AFF3: variants seen among roughly 807,000 people sequenced by gnomAD.
AFF3 encodes AF4/FMR2 family member 3.
In AFF3, 32 loss-of-function variants were observed where a neutral mutation model predicts 129.7. The observed-to-expected ratio is 0.25, with a 90% CI of 0.19 to 0.33. The LOEUF (loss-of-function observed/expected upper bound fraction) is 0.33. Among genes scored for constraint, AFF3 ranks in the 10% least tolerant of loss-of-function variants. AFF3 has a pLI of 1.00. For synonymous variants in AFF3, 644 were observed against 635.4 expected (o/e 1.01, Z -0.20); for missense variants, 1,373 against 1,592.0 (o/e 0.86, Z 2.34).
intron 2 of AFF3, among the ~76,000 whole-genome samples, chr2:100,108,677 G>T (rs779916012): frequency 6.6e-6 from 1 of 152,106 alleles, no homozygotes; most frequent in Non-Finnish European, 1.5e-5. Flanking sequence ...CCAATACCCC[G>T]GTCGAGGGCT....
At chr2:99,984,012 TA>T (rs978225865) in intron 7 of AFF3, among the ~76,000 whole-genome samples, 2 of 152,100 alleles carry the variant, frequency 1.3e-5, no homozygotes, top group African/African-American at 4.8e-5. Context: ...AAAGCTCTTT[TA>T]AAAAAACAAA....
chr2:99,656,294 T>C (rs902311931), intron 12 of AFF3, among the ~76,000 whole-genome samples: 1 of 152,210 alleles, frequency 6.6e-6, no homozygotes, highest in East Asian at 1.9e-4. Flanking sequence ...TATCTTTGTG[T>C]TTTCATTATG....
intron 13 of AFF3, among the ~76,000 whole-genome samples, chr2:99,649,079 G>A (rs1380852666): frequency 6.6e-6 from 1 of 152,038 alleles, no homozygotes; most frequent in Non-Finnish European, 1.5e-5. Flanking sequence ...ATAAAATACA[G>A]CCTGTGTGTG....
chr2:99,964,511 G>C (rs74807012), intron 7 of AFF3, among the ~76,000 whole-genome samples: 3,498 of 152,114 alleles, frequency 0.023, 121 homozygotes, highest in African/African-American at 0.074. Context: ...AATACTGAAT[G>C]GTTCAAAGAT....
chr2:100,027,998 C>A (rs1197782712), intron 4 of AFF3, among the ~76,000 whole-genome samples: 1 of 152,130 alleles, frequency 6.6e-6, no homozygotes, highest in Non-Finnish European at 1.5e-5. Flanking sequence ...TTTTAGCAGG[C>A]ACATTAAATT....
chr2:100,028,530 G>T (rs1339315705), intron 4 of AFF3, among the ~76,000 whole-genome samples: 3 of 151,858 alleles, frequency 2.0e-5, no homozygotes, highest in African/African-American at 7.3e-5. Flanking sequence ...AATATAAAAT[G>T]TTTACATTAT....
At chr2:100,108,574 A>T (rs561608630) in intron 2 of AFF3, among the ~76,000 whole-genome samples, 1 of 152,262 alleles carries the variant, frequency 6.6e-6, no homozygotes, top group South Asian at 2.1e-4. Flanking sequence ...CTGGGGCCCT[A>T]GAAGCCAGGG....
chr2:99,841,532 C>A (rs892327260), intron 7 of AFF3, among the ~76,000 whole-genome samples: 1 of 152,214 alleles, frequency 6.6e-6, no homozygotes, highest in African/African-American at 2.4e-5. Flanking sequence ...GGCAGAGGAA[C>A]CTCTTGAGTC....
intron 8 of AFF3, among the ~76,000 whole-genome samples, chr2:99,808,591 A>G (rs983118790): frequency 1.6e-4 from 24 of 152,202 alleles, no homozygotes; most frequent in Admixed American, 1.3e-4. Flanking sequence ...ACCTCAATCA[A>G]TACACTCAGG....
intron 19 of AFF3, among the ~76,000 whole-genome samples, chr2:99,568,414 G>T (rs1388020885): frequency 6.6e-6 from 1 of 152,218 alleles, no homozygotes; most frequent in African/African-American, 2.4e-5. Context: ...TAGTTTCTGT[G>T]TTGTACAGTT....
chr2:99,588,153 G>C (rs1302057321), intron 15 of AFF3, among the ~76,000 whole-genome samples: 2 of 151,996 alleles, frequency 1.3e-5, no homozygotes, highest in Non-Finnish European at 2.9e-5. Context: ...ACTTTGATTG[G>C]ATCCTTGTTG....
chr2:99,909,782 G>A (rs1343627272), intron 7 of AFF3, among the ~76,000 whole-genome samples: 4 of 151,996 alleles, frequency 2.6e-5, no homozygotes, highest in Non-Finnish European at 5.9e-5. Flanking sequence ...CGTAAATTAT[G>A]CCCAATATTT....
chr2:99,664,800 G>A (rs1353597446), intron 12 of AFF3, among the ~76,000 whole-genome samples: 17 of 152,248 alleles, frequency 1.1e-4, no homozygotes, highest in Admixed American at 1.1e-3. Context: ...GCCAGACACA[G>A]TCCCTGCCCT....
At chr2:99,638,518 G>A (rs1450867183) in intron 13 of AFF3, among the ~76,000 whole-genome samples, 1 of 151,696 alleles carries the variant, frequency 6.6e-6, no homozygotes. Context: ...ACCTGGCTAA[G>A]GAGCAGGGGA....
At chr2:99,806,442 G>A (rs879663099) in intron 8 of AFF3, among the ~76,000 whole-genome samples, 2 of 152,154 alleles carry the variant, frequency 1.3e-5, no homozygotes, top group Non-Finnish European at 2.9e-5. Flanking sequence ...ATGGGAGTGT[G>A]TGCCAGGACC....
chr2:99,812,058 C>G (rs1355816477), intron 8 of AFF3, among the ~76,000 whole-genome samples: 1 of 152,202 alleles, frequency 6.6e-6, no homozygotes, highest in Non-Finnish European at 1.5e-5. Flanking sequence ...CACAATCTCA[C>G]AGTTTGTCCT....
rs1674377639 is a variant in AFF3 at position 99,551,166 on chromosome 2, G to A, written c.*308C>T. On this transcript the variant is annotated 3_prime_UTR_variant, in exon 25 of 25. Transcript: ENST00000672756. ...GTGTGAGTGTACGGTGTGTGTGTGT[G>A]TGTGTGTGTGTGTGTGTACTTCCTC... 1.9e-6 allele frequency: 1 copy of A among 522,428 alleles called. No individual in the cohort carries two copies. The highest frequency in any genetic ancestry group is 3.5e-5 in the South Asian group (1 of 28,856). 32.4% of individuals were successfully genotyped at this position (522,428 alleles called of 1,614,324 possible). A position where few individuals can be genotyped will look rare whatever the true frequency, so the allele number is the denominator to read the frequency against.
intron 14 of AFF3, among the ~76,000 whole-genome samples, chr2:99,595,108 A>G (rs1404723523): frequency 6.6e-6 from 1 of 152,162 alleles, no homozygotes; most frequent in Non-Finnish European, 1.5e-5. Context: ...AAATGTGTAG[A>G]TGCATTTTGT....
At chr2:99,937,289 T>C (rs770067295) in intron 7 of AFF3, among the ~76,000 whole-genome samples, 10 of 152,192 alleles carry the variant, frequency 6.6e-5, no homozygotes, top group Non-Finnish European at 1.2e-4. Context: ...GAGCCAGTGA[T>C]GTCCTGGTCT....
Sources: gnomAD v4.1 joint callset for allele counts (sites outside exome capture counted in the v4.1 genomes callset) on GRCh38, gnomAD v4.1.1 for gene constraint, MANE v1.5 for transcripts, NCBI Gene and HGNC (gene_info 2026-07-23, HGNC 2026-07-21) for gene names.